Variants in CLEC2A observed in about 807,000 individuals in gnomAD.
CLEC2A encodes keratinocyte-associated C-type lectin.
CLEC2A carries 19 observed loss-of-function variants against 18.6 expected under a neutral mutation model. That is an observed-to-expected ratio of 1.02 (90% CI 0.71 to 1.50). CLEC2A has a LOEUF of 1.50. Among genes scored for constraint, CLEC2A ranks in the 40% most tolerant of loss-of-function variants. The pLI is 0.00. For missense variants in CLEC2A, 190 were observed against 207.9 expected, an observed-to-expected ratio of 0.91 and a Z score of 0.53; for synonymous variants, 74 against 64.0, an observed-to-expected ratio of 1.16 and a Z score of -0.75.
At chr12:9,885,958 A>G in the CLEC2A span, among the ~76,000 whole-genome samples, 1 of 152,120 alleles carries the variant, frequency 6.6e-6, no homozygotes, top group African/African-American at 2.4e-5. Context: ...AAATGTTCCT[A>G]AAATTCAGGA....
At chr12:9,914,653 C>T (rs1863040646) in intron 4 of CLEC2A, among the ~76,000 whole-genome samples, 1 of 152,162 alleles carries the variant, frequency 6.6e-6, no homozygotes, top group Admixed American at 6.5e-5. Context: ...GGAAAACTGG[C>T]TATCCATACA....
chr12:9,926,979 C>G (rs1451123603), intron 1 of CLEC2A, among the ~76,000 whole-genome samples: 1 of 152,034 alleles, frequency 6.6e-6, no homozygotes, highest in East Asian at 1.9e-4. Context: ...GTAATTGTAG[C>G]TGATATATCA....
downstream of CLEC2A, chr12:9,895,671 C>T (rs2137007083): frequency 2.7e-6 from 4 of 1,498,038 alleles, no homozygotes; most frequent in African/African-American, 5.7e-5. Context: ...GCTGAAAAAT[C>T]TGTCCTTTGT....
At chr12:9,903,489 T>C (rs2137017424) in intron 4 of CLEC2A, among the ~76,000 whole-genome samples, 2 of 152,358 alleles carry the variant, frequency 1.3e-5, no homozygotes, top group East Asian at 3.9e-4. Context: ...AGCTAGTTCA[T>C]TGGATAAAAC....
In CLEC2A at chr12:9,915,324, C is replaced by T. The variant is rs12316359; in HGVS notation, c.410+1376G>A. On this transcript the variant is annotated intron_variant, in intron 4 of 4. Coordinates refer to ENST00000455827, the MANE Select transcript of CLEC2A (RefSeq NM_001130711.2). ...CCTCAAGGATCTAGAACCAGAAATA[C>T]CATTTAACCCAGCAATCCCATTACT... Among the ~76,000 whole-genome samples, 333 of 152,144 alleles carry T rather than the reference C, an allele frequency of 2.2e-3. 1 individual carries two copies. The highest frequency in any genetic ancestry group is 7.7e-3 in the African/African-American group (318 of 41,504).
chr12:9,893,082 A>G, the CLEC2A span: 1 of 1,535,818 alleles, frequency 6.5e-7, no homozygotes, highest in East Asian at 2.4e-5. Flanking sequence ...CTGGTTTTCA[A>G]CTTCTTTTAA....
chr12:9,879,780 C>T, the CLEC2A span, among the ~76,000 whole-genome samples: 1 of 152,224 alleles, frequency 6.6e-6, no homozygotes, highest in African/African-American at 2.4e-5. Flanking sequence ...CTTGATCCAA[C>T]TTGACCACTT....
downstream of CLEC2A, among the ~76,000 whole-genome samples, chr12:9,910,779 T>A (rs143554881): frequency 5.9e-4 from 90 of 152,234 alleles, no homozygotes; most frequent in African/African-American, 2.0e-3. Flanking sequence ...GGTTTATTCG[T>A]CATGCTGGGG....
chr12:9,884,985 T>A, the CLEC2A span: 1 of 1,346,994 alleles, frequency 7.4e-7, no homozygotes, highest in Non-Finnish European at 9.6e-7. Context: ...TTTGGATGCA[T>A]TGTGATCCTT....
chr12:9,915,770 A>T (rs1215739220), intron 4 of CLEC2A, among the ~76,000 whole-genome samples: 1 of 152,204 alleles, frequency 6.6e-6, no homozygotes, highest in East Asian at 1.9e-4. Flanking sequence ...TCAAACCTAG[A>T]TGATGGATTG....
intron 1 of CLEC2A, among the ~76,000 whole-genome samples, chr12:9,931,872 C>G (rs1466730266): frequency 6.6e-6 from 1 of 152,108 alleles, no homozygotes; most frequent in East Asian, 1.9e-4. Context: ...CATTGTTGGC[C>G]TTAGCTGAAT....
At chr12:9,890,455 GGGTACAGGTTACT>G in the CLEC2A span, among the ~76,000 whole-genome samples, 2 of 152,178 alleles carry the variant, frequency 1.3e-5, no homozygotes, top group Non-Finnish European at 2.9e-5. Context: ...TGTGGTTGTA[GGGTACAGGTTACT>G]GCTTTCCTTC....
chr12:9,908,517 T>C (rs1389150765), downstream of CLEC2A, among the ~76,000 whole-genome samples: 1 of 152,130 alleles, frequency 6.6e-6, no homozygotes, highest in African/African-American at 2.4e-5. Context: ...AGGAGCGGGC[T>C]GCTCCTGAAT....
downstream of CLEC2A, among the ~76,000 whole-genome samples, chr12:9,912,892 T>C (rs567304650): frequency 6.6e-6 from 1 of 152,336 alleles, no homozygotes; most frequent in East Asian, 1.9e-4. Flanking sequence ...AGATACTTTT[T>C]TTTCTCTAGT....
chr12:9,930,726 C>T lies in CLEC2A; in HGVS notation c.55+1549G>A, dbSNP rs118065666. 7.6e-3 allele frequency among the ~76,000 whole-genome samples: 1,157 copies of T among 151,958 alleles called. 10 individuals are homozygous for T. Among genetic ancestry groups the T allele is most frequent in the Middle Eastern group, 0.021 (6 of 292 alleles). ...TATTATTTCTTCAAATATTTCCTAT[C>T]CGCTATTCTTTTTTTCTCTCTCTCT... On this transcript the variant is annotated intron_variant, in intron 1 of 4. Transcript: ENST00000455827.
chr12:9,925,638 G>C (rs941917659), intron 2 of CLEC2A, among the ~76,000 whole-genome samples: 3 of 134,932 alleles, frequency 2.2e-5, no homozygotes, highest in South Asian at 2.7e-4. Context: ...CAAGCCCATA[G>C]AACTGATGTT....
chr12:9,924,154 A>G (rs764225240), intron 2 of CLEC2A, among the ~76,000 whole-genome samples: 2 of 152,148 alleles, frequency 1.3e-5, no homozygotes, highest in Non-Finnish European at 2.9e-5. Context: ...AATAATCGCC[A>G]TACTGACTGG....
chr12:9,904,873 T>G (rs1862885197), intron 4 of CLEC2A, among the ~76,000 whole-genome samples: 1 of 152,184 alleles, frequency 6.6e-6, no homozygotes, highest in Non-Finnish European at 1.5e-5. Context: ...CTGTCCACCG[T>G]CCATGTTGGG....
At chr12:9,897,666 C>T (rs549362603), downstream of CLEC2A, among the ~76,000 whole-genome samples, 12 of 152,050 alleles carry the variant, frequency 7.9e-5, 1 homozygote, top group South Asian at 2.3e-3. Context: ...TCCTCCTGCC[C>T]GCATAAGCTT....
Sources: gnomAD v4.1 joint callset for allele counts (sites outside exome capture counted in the v4.1 genomes callset) on GRCh38, gnomAD v4.1.1 for gene constraint, MANE v1.5 for transcripts, NCBI Gene and HGNC (gene_info 2026-07-23, HGNC 2026-07-21) for gene names.